The following NEB variants were observed in gnomAD, a reference collection of about 807,000 sequenced individuals.
NEB encodes nebulin.
A neutral mutation model predicts 952.2 loss-of-function variants in NEB; 512 were observed. That is an observed-to-expected ratio of 0.54 (90% CI 0.50 to 0.58). NEB has a LOEUF of 0.58. Ranked by LOEUF, NEB falls within the 20% of genes least tolerant of loss-of-function variation. The pLI is 0.00. For synonymous variants in NEB, 2,900 were observed against 3,149.8 expected (o/e 0.92, Z 2.66); for missense variants, 8,428 against 9,231.1 (o/e 0.91, Z 3.56).
intron 162 of NEB, among the ~76,000 whole-genome samples, chr2:151,507,572 T>A (rs1252086812): frequency 2.0e-5 from 3 of 152,184 alleles, no homozygotes; most frequent in African/African-American, 7.2e-5. Flanking sequence ...AAATCCCCTG[T>A]TTATTACCAT....
At chr2:151,527,661 G>A in intron 146 of NEB, 76 bp from the exon 147 acceptor site, 1 of 1,009,154 alleles carries the variant, frequency 9.9e-7, no homozygotes, top group Non-Finnish European at 1.5e-6. Flanking sequence ...GCACAGAGGG[G>A]CTCTTGCATT....
intron 162 of NEB, 37 bp from the exon 163 acceptor site, chr2:151,507,050 A>G (rs768883056): frequency 7.9e-6 from 10 of 1,261,370 alleles, no homozygotes; most frequent in African/African-American, 1.5e-5. Flanking sequence ...TAAGATTTCA[A>G]CATTGCTTTG....
chr2:151,644,405 T>A, intron 56 of NEB, 63 bp downstream of exon 56: 2 of 1,441,414 alleles, frequency 1.4e-6, no homozygotes, highest in Non-Finnish European at 1.9e-6. Context: ...TAAAATTAAA[T>A]TGAGACTGCT....
At chr2:151,718,420 C>T (rs2099765227) in intron 9 of NEB, among the ~76,000 whole-genome samples, 2 of 152,148 alleles carry the variant, frequency 1.3e-5, no homozygotes, top group Admixed American at 1.3e-4. Context: ...TTCAAGGAAA[C>T]TTTCACAGCC....
Position 151,627,831 on chromosome 2 carries a change from T to G in NEB, c.9835A>C (p.Lys3279Gln), listed in dbSNP as rs2098553257. The G allele has an allele frequency of 1.2e-6, 2 of 1,612,990 alleles. No individual in the cohort carries two copies. Among genetic ancestry groups the G allele is most frequent in the East Asian group, 4.5e-5 (2 of 44,876 alleles). Residue 3279 changes from lysine (K) to glutamine (Q), a missense_variant, in exon 69 of 182, where the codon AAA becomes CAA. By Grantham distance (53) the Lys-to-Gln change is moderately conservative. Around this residue, in one of 11 missense-constraint regions of NEB, gnomAD observed 1,772 missense variants for 1,960.3 expected, o/e 0.90. Transcript: ENST00000397345. ...KASRDVISDYKYKDGYRKQLG... is the reference protein window; with the variant it reads ...KASRDVISDYQYKDGYRKQLG... ...TGCTTGCGGTAACCATCTTTGTATT[T>G]GTACTGAAATAAAGGTGGTCATTTC...
rs768429146 is a variant in NEB, at chr2:151,650,634, T to C, written c.7167A>G (p.Thr2389=). The change falls in exon 53 of 182, where the codon ACA becomes ACG. Residue 2389 remains threonine (T), a synonymous_variant. Coordinates refer to ENST00000397345, the MANE Select transcript of NEB (RefSeq NM_001164508.2). ...VDYKNYLHQW[T]CLPDQNDVVQ... ...CAACATCGTTCTGATCAGGCAGACATGTCCACTGATGCAGGTAGTTCTTGT... is the reference window on the plus strand; with the variant it reads ...CAACATCGTTCTGATCAGGCAGACACGTCCACTGATGCAGGTAGTTCTTGT... 1.9e-5 allele frequency: 31 copies of C among 1,611,772 alleles called. No homozygotes were observed. The Admixed American group carries it at 4.3e-4, about 23-fold the overall frequency.
intron 72 of NEB, 37 bp from the exon 73 acceptor site, chr2:151,619,799 A>G (rs1036855900): frequency 1.9e-6 from 3 of 1,571,518 alleles, no homozygotes; most frequent in Admixed American, 1.7e-5. Flanking sequence ...AAGGAAGCAC[A>G]AAGGGCTATT....
chr2:151,731,885 A>C (rs2099810122), intron 3 of NEB, among the ~76,000 whole-genome samples: 1 of 152,330 alleles, frequency 6.6e-6, no homozygotes, highest in African/African-American at 2.4e-5. Flanking sequence ...AATGCACACT[A>C]GTGATAATAT....
At position 151,619,458 on chromosome 2, in the gene NEB, T is replaced by A; in HGVS notation, c.10865A>T (p.Gln3622Leu). 6.2e-7 allele frequency: 1 copy of A among 1,600,772 alleles called. No individual in the cohort carries two copies. Residue 3622 changes from glutamine (Q) to leucine (L), a missense_variant, in exon 73 of 182, where the codon CAG (glutamine) becomes CTG (leucine). This residue lies in a region of NEB where 1,772 missense variants were observed against 1,960.3 expected (regional missense o/e 0.90). Transcript: ENST00000397345. ...IIHARKAYDL[Q>L]SDNLYKSDLE... Reference sequence around the variant, plus strand: ...AACATCAAGGAAACTTACGTCACTCTGGAGGTCATAGGCTTTCCGTGCATG... The same window carrying A: ...AACATCAAGGAAACTTACGTCACTCAGGAGGTCATAGGCTTTCCGTGCATG...
At chr2:151,698,856 T>C (rs887156808) in intron 13 of NEB, among the ~76,000 whole-genome samples, 12 of 151,630 alleles carry the variant, frequency 7.9e-5, no homozygotes, top group Admixed American at 2.6e-4. Context: ...GCCAGGATGG[T>C]CTCCATCTCT....
intron 9 of NEB, among the ~76,000 whole-genome samples, chr2:151,719,017 A>ACCATGACTCCCCTCTCAAG (rs1209747372): frequency 1.3e-5 from 2 of 152,094 alleles, no homozygotes; most frequent in Non-Finnish European, 2.9e-5. Flanking sequence ...GGCTCAGGAC[A>ACCATGACTCCCCTCTCAAG]CCATGACTCC....
chr2:151,649,333 C>T (rs547373183), intron 54 of NEB, among the ~76,000 whole-genome samples: 1 of 152,148 alleles, frequency 6.6e-6, no homozygotes, highest in Admixed American at 6.5e-5. Context: ...TCATTCTAAG[C>T]TGATTATGGG....
intron 20 of NEB, 58 bp downstream of exon 20, chr2:151,694,265 T>A: frequency 7.0e-7 from 1 of 1,435,440 alleles, no homozygotes; most frequent in Non-Finnish European, 9.8e-7. Context: ...CAAGGTTATA[T>A]TAAACAGCAA....
Position 151,490,363 on chromosome 2 carries a change from C to G in NEB, c.25297+9G>C. The G allele has an allele frequency of 6.3e-7, 1 of 1,586,082 alleles. No homozygotes were observed. Among genetic ancestry groups the G allele is most frequent in the East Asian group, 2.3e-5 (1 of 43,282 alleles). On this transcript the variant is annotated intron_variant, in intron 180 of 181. Coordinates refer to ENST00000397345, the MANE Select transcript of NEB (RefSeq NM_001164508.2). Reference sequence around the variant, plus strand: ...TGGGACTGCCAAAATCAGCGCCAGGCACTTGTACCTGTTGAGACTGCAAAG... The same window carrying G: ...TGGGACTGCCAAAATCAGCGCCAGGGACTTGTACCTGTTGAGACTGCAAAG...
intron 27 of NEB, 21 bp downstream of exon 27, chr2:151,687,398 C>T: frequency 6.3e-7 from 1 of 1,592,708 alleles, no homozygotes; most frequent in Non-Finnish European, 8.6e-7. Context: ...GAAAACAAGA[C>T]AGATTCACAA....
At chr2:151,696,820 G>T in intron 16 of NEB, 85 bp from the exon 17 acceptor site, 4 of 907,854 alleles carry the variant, frequency 4.4e-6, no homozygotes, top group Non-Finnish European at 7.1e-6. Flanking sequence ...AGAACCTCAT[G>T]CCCCACAAAG....
At chr2:151,644,430 T>G in intron 56 of NEB, 38 bp downstream of exon 56, 1 of 1,534,434 alleles carries the variant, frequency 6.5e-7, no homozygotes, top group Non-Finnish European at 9.0e-7. Context: ...AGTGATAAAT[T>G]GCAATCAAAT....
intron 130 of NEB, among the ~76,000 whole-genome samples, chr2:151,549,166 C>T (rs2095073243): frequency 6.6e-6 from 1 of 152,152 alleles, no homozygotes; most frequent in Admixed American, 6.5e-5. Context: ...AAGTAGTGAG[C>T]TAAATATCAG....
chr2:151,498,346 A>G lies in NEB; in HGVS notation c.24121T>C (p.Tyr8041His). 1.9e-6 allele frequency: 3 copies of G among 1,548,840 alleles called. No individual in the cohort carries two copies. Among genetic ancestry groups the G allele is most frequent in the East Asian group, 2.4e-5 (1 of 40,880 alleles). The change falls in exon 170 of 182, where the codon TAC becomes CAC. Residue 8041 changes from tyrosine to histidine, a missense_variant. Coordinates refer to ENST00000397345, the MANE Select transcript of NEB (RefSeq NM_001164508.2). ...ATTCCTGTCCCCAGGTTTTCTTTGT[A>G]TAGCACCTGTATGATGAGAAAGCAT... ...HNQENFSSVL[Y>H]KENLGTGIPI...
Sources: gnomAD v4.1 joint callset for allele counts (sites outside exome capture counted in the v4.1 genomes callset) on GRCh38, gnomAD v4.1.1 for gene constraint, gnomAD v4.1.1 regional missense constraint, MANE v1.5 for transcripts, NCBI Gene and HGNC (gene_info 2026-07-23, HGNC 2026-07-21) for gene names.